Variants in SV2C observed in about 807,000 individuals in gnomAD.
The protein encoded by SV2C is solute carrier family 22 member B3.
In SV2C, 49 loss-of-function variants were observed where a neutral mutation model predicts 79.7. The ratio of observed to expected loss-of-function variants is 0.61; its 90% confidence interval spans 0.49 to 0.78. The LOEUF is 0.78. Among genes scored for constraint, SV2C ranks in the 30% least tolerant of loss-of-function variants. SV2C has a pLI of 0.00. For synonymous variants in SV2C, 334 were observed against 333.2 expected (o/e 1.00, Z -0.03); for missense variants, 833 against 912.9 (o/e 0.91, Z 1.13).
At chr5:75,976,848 T>C in the SV2C span, among the ~76,000 whole-genome samples, 3 of 152,232 alleles carry the variant, frequency 2.0e-5, no homozygotes, top group Non-Finnish European at 2.9e-5. Flanking sequence ...TAGGATACTT[T>C]TGTAATTCGA....
At chr5:75,984,280 A>G in the SV2C span, among the ~76,000 whole-genome samples, 4 of 152,176 alleles carry the variant, frequency 2.6e-5, no homozygotes, top group Non-Finnish European at 5.9e-5. Context: ...AAATAATCTA[A>G]TAAGTTGACA....
chr5:75,994,785 G>A, the SV2C span, among the ~76,000 whole-genome samples: 1 of 152,130 alleles, frequency 6.6e-6, no homozygotes, highest in Non-Finnish European at 1.5e-5. Context: ...AGATTATGTA[G>A]GCCAACAAGT....
chr5:75,919,265 G>C, the SV2C span, among the ~76,000 whole-genome samples: 1 of 152,200 alleles, frequency 6.6e-6, no homozygotes, highest in Non-Finnish European at 1.5e-5. Context: ...CATCCTTTCT[G>C]CTGTTCAGGT....
At chr5:75,973,216 C>T in the SV2C span, among the ~76,000 whole-genome samples, 68 of 151,960 alleles carry the variant, frequency 4.5e-4, 1 homozygote, top group African/African-American at 1.5e-3. Context: ...AGGAGACATA[C>T]CTGATGCTAA....
the SV2C span, among the ~76,000 whole-genome samples, chr5:75,858,443 G>T: frequency 2.6e-5 from 4 of 152,136 alleles, no homozygotes; most frequent in Non-Finnish European, 4.4e-5. Flanking sequence ...TTGCATCCCA[G>T]GGATAAATCC....
chr5:76,050,572 C>G, the SV2C span, among the ~76,000 whole-genome samples: 2 of 150,732 alleles, frequency 1.3e-5, no homozygotes. Flanking sequence ...AATTCTTGAT[C>G]TCTCTCTCTC....
intron 3 of SV2C, among the ~76,000 whole-genome samples, chr5:76,197,587 C>T (rs7703461): frequency 0.036 from 5,477 of 151,944 alleles, 417 homozygotes; most frequent in East Asian, 0.27. Context: ...TGGGATCCAG[C>T]GGCTGACAGG....
intron 2 of SV2C, among the ~76,000 whole-genome samples, chr5:76,145,858 C>T (rs1173255491): frequency 6.6e-6 from 1 of 152,198 alleles, no homozygotes; most frequent in Non-Finnish European, 1.5e-5. Context: ...TTCACCTTCA[C>T]ATTTAAGAAT....
chr5:76,016,149 C>T, the SV2C span, among the ~76,000 whole-genome samples: 5 of 150,080 alleles, frequency 3.3e-5, no homozygotes, highest in Admixed American at 3.4e-4. Flanking sequence ...TCTTAGCATG[C>T]TCTCTTTGCT....
the SV2C span, among the ~76,000 whole-genome samples, chr5:75,893,969 G>A: frequency 5.3e-5 from 8 of 152,200 alleles, no homozygotes; most frequent in Non-Finnish European, 1.0e-4. Flanking sequence ...GGGAGATGAA[G>A]CCAGCAAGGT....
At chr5:76,285,060 A>G (rs1289381127) in intron 4 of SV2C, 102 bp from the exon 5 acceptor site, 3 of 1,518,042 alleles carry the variant, frequency 2.0e-6, no homozygotes, top group Non-Finnish European at 2.7e-6. Context: ...TGTGGATAGT[A>G]AGACTTGACT....
the SV2C span, among the ~76,000 whole-genome samples, chr5:76,036,277 T>C: frequency 2.0e-5 from 3 of 152,152 alleles, no homozygotes; most frequent in Non-Finnish European, 4.4e-5. Context: ...GTGAATTTGA[T>C]CCTGTCATTA....
chr5:76,231,738 T>A (rs1186520053), intron 4 of SV2C, among the ~76,000 whole-genome samples: 1 of 144,230 alleles, frequency 6.9e-6, no homozygotes, highest in Admixed American at 6.6e-5. Flanking sequence ...ATTTCCAATT[T>A]CATCCATGTC....
chr5:76,264,337 CT>C (rs1183776064), intron 4 of SV2C, among the ~76,000 whole-genome samples: 1 of 151,894 alleles, frequency 6.6e-6, no homozygotes, highest in Non-Finnish European at 1.5e-5. Context: ...TTCCTGTAAC[CT>C]TTTTTCAAAG....
intron 1 of SV2C, among the ~76,000 whole-genome samples, chr5:76,101,349 T>A (rs1747736358): frequency 6.6e-6 from 1 of 152,204 alleles, no homozygotes. Flanking sequence ...AGGAACAGCC[T>A]TGAGGTAGAA....
upstream of SV2C, chr5:76,078,898 AATG>A: frequency 3.6e-6 from 2 of 561,680 alleles, no homozygotes; most frequent in Non-Finnish European, 7.1e-6. Context: ...TCAGAGTTAC[AATG>A]ATGACTTGCA....
chr5:76,337,261 G>A (rs1749347141), downstream of SV2C, among the ~76,000 whole-genome samples: 2 of 152,096 alleles, frequency 1.3e-5, no homozygotes. Context: ...TGTGTCTTCA[G>A]ATAGTCTTCC....
At chr5:75,899,249 G>A in the SV2C span, among the ~76,000 whole-genome samples, 273 of 152,072 alleles carry the variant, frequency 1.8e-3, no homozygotes, top group African/African-American at 2.5e-3. Flanking sequence ...AATGTGTCCC[G>A]GAGATTCTGG....
chr5:76,095,020 A>G (rs1747505774), intron 1 of SV2C, among the ~76,000 whole-genome samples: 1 of 152,018 alleles, frequency 6.6e-6, no homozygotes, highest in South Asian at 2.1e-4. Flanking sequence ...AATCTCACCA[A>G]AAAGCCCAAG....
Sources: gnomAD v4.1 joint callset for allele counts (sites outside exome capture counted in the v4.1 genomes callset) on GRCh38, gnomAD v4.1.1 for gene constraint, MANE v1.5 for transcripts, NCBI Gene and HGNC (gene_info 2026-07-23, HGNC 2026-07-21) for gene names.